Variants in FGGY observed in about 807,000 individuals in gnomAD.
FGGY encodes the protein FGGY carbohydrate kinase domain-containing protein.
In FGGY, 72 loss-of-function variants were observed where a neutral mutation model predicts 71.3. The observed-to-expected ratio is 1.01, with a 90% CI of 0.84 to 1.23. The LOEUF (loss-of-function observed/expected upper bound fraction) is 1.23, where lower values mean the gene tolerates loss of function less well. Among genes scored for constraint, FGGY ranks in the 50% most tolerant of loss-of-function variants. FGGY has a pLI of 0.00. For missense variants in FGGY, 668 were observed against 682.3 expected, an observed-to-expected ratio of 0.98 and a Z score of 0.23; for synonymous variants, 251 against 250.3, an observed-to-expected ratio of 1.00 and a Z score of -0.02.
At chr1:59,698,683 A>G in intron 14 of FGGY, 1 of 893,884 alleles carries the variant, frequency 1.1e-6, no homozygotes, top group Non-Finnish European at 1.3e-6. Context: ...TTTGATAAAC[A>G]GGACAGCTGT....
intron 7 of FGGY, among the ~76,000 whole-genome samples, chr1:59,521,738 T>C (rs1206968919): frequency 6.6e-6 from 1 of 152,224 alleles, no homozygotes; most frequent in Non-Finnish European, 1.5e-5. Flanking sequence ...CTGAGTGACC[T>C]AGTTCATCAG....
intron 15 of FGGY, among the ~76,000 whole-genome samples, chr1:59,759,538 G>A (rs576603922): frequency 1.3e-5 from 2 of 152,282 alleles, no homozygotes; most frequent in South Asian, 2.1e-4. Flanking sequence ...AGTTTTTTCC[G>A]TAAACCCCAC....
chr1:59,748,876 G>T (rs541886659), intron 14 of FGGY, among the ~76,000 whole-genome samples: 14 of 152,236 alleles, frequency 9.2e-5, no homozygotes, highest in African/African-American at 3.4e-4. Context: ...CAGGATGGGG[G>T]CTGGTCACCA....
rs971227350 is a variant in FGGY at position 59,584,413 on chromosome 1, A to C, written c.904-23390A>C. 1.6e-4 allele frequency among the ~76,000 whole-genome samples: 24 copies of C among 150,184 alleles called. 1 individual carries two copies. The highest frequency in any genetic ancestry group is 3.3e-4 in the Admixed American group (5 of 15,192). ...CCAGCATATAAACAGAACAAACAACAAAAACCATATGATTATCTCAATAGA... is the reference window on the plus strand; with the variant it reads ...CCAGCATATAAACAGAACAAACAACCAAAACCATATGATTATCTCAATAGA... On this transcript the variant is annotated intron_variant, in intron 8 of 15. Transcript: ENST00000303721.
At chr1:59,410,154 A>G (rs1464477362) in intron 5 of FGGY, among the ~76,000 whole-genome samples, 1 of 152,176 alleles carries the variant, frequency 6.6e-6, no homozygotes, top group African/African-American at 2.4e-5. Context: ...CTCTGTTGCA[A>G]TCTCATTTCA....
chr1:59,550,319 T>G (rs2095588641), intron 7 of FGGY, among the ~76,000 whole-genome samples: 1 of 152,134 alleles, frequency 6.6e-6, no homozygotes, highest in African/African-American at 2.4e-5. Flanking sequence ...CACCTTTTCT[T>G]GCTTTTCCCT....
At chr1:59,306,830 G>A (rs1327183359) in intron 1 of FGGY, among the ~76,000 whole-genome samples, 1 of 152,178 alleles carries the variant, frequency 6.6e-6, no homozygotes, top group Non-Finnish European at 1.5e-5. Flanking sequence ...AAATTGTTCA[G>A]GCTAAATATA....
At chr1:59,481,329 C>T (rs1438133984) in intron 6 of FGGY, among the ~76,000 whole-genome samples, 1 of 152,154 alleles carries the variant, frequency 6.6e-6, no homozygotes, top group Non-Finnish European at 1.5e-5. Flanking sequence ...AGTAAGATAA[C>T]TGAGGCCCAG....
rs141812599 is a variant in FGGY, at chr1:59,536,156, G to A, written c.800-17968G>A. On this transcript the variant is annotated intron_variant, in intron 7 of 15. Transcript: ENST00000303721. Reference sequence around the variant, plus strand: ...AAATGATAAAGGGGATATCACCACCGATCCCACAGAAATACAAACTACCAT... The same window carrying A: ...AAATGATAAAGGGGATATCACCACCAATCCCACAGAAATACAAACTACCAT... 6.6e-3 allele frequency among the ~76,000 whole-genome samples: 1,007 copies of A among 151,700 alleles called. 9 individuals are homozygous for A. The highest frequency in any genetic ancestry group is 0.065 in the Middle Eastern group (19 of 294).
rs544644909 is a variant in FGGY, at chr1:59,364,878, C to T, written c.466-13871C>T. ...CAGGGTGATGAGGTGGGCACCTCTT[C>T]ATGAATTAATTGGGAGTTGAAATTA... On this transcript the variant is annotated intron_variant, in intron 4 of 15. Transcript: ENST00000303721. 1.2e-4 allele frequency among the ~76,000 whole-genome samples: 19 copies of T among 152,302 alleles called. No homozygotes were observed. In the South Asian group the frequency reaches 2.5e-3, roughly 20 times the overall value.
chr1:59,366,502 C>G (rs568566190), intron 4 of FGGY, among the ~76,000 whole-genome samples: 5 of 152,220 alleles, frequency 3.3e-5, no homozygotes, highest in South Asian at 2.1e-4. Flanking sequence ...TGTGATTACT[C>G]ATTAGAGGCA....
chr1:59,744,444 C>A (rs2098177529), intron 14 of FGGY, among the ~76,000 whole-genome samples: 1 of 152,180 alleles, frequency 6.6e-6, no homozygotes, highest in East Asian at 1.9e-4. Flanking sequence ...TGGTCTCGAA[C>A]CCCTGACCTT....
At chr1:59,761,026 A>T (rs371209198) in intron 15 of FGGY, among the ~76,000 whole-genome samples, 1 of 152,208 alleles carries the variant, frequency 6.6e-6, no homozygotes, top group East Asian at 1.9e-4. Context: ...AATTATCTAA[A>T]ATTTAGTAAC....
At chr1:59,756,981 G>A (rs12119842) in intron 14 of FGGY, among the ~76,000 whole-genome samples, 46,363 of 149,838 alleles carry the variant, frequency 0.31, 7,527 homozygotes, top group East Asian at 0.4. Flanking sequence ...ATGCAAATCT[G>A]TATCCCTAGC....
chr1:59,705,215 A>C (rs1573476401), intron 14 of FGGY, among the ~76,000 whole-genome samples: 1 of 152,128 alleles, frequency 6.6e-6, no homozygotes, highest in East Asian at 1.9e-4. Context: ...CTTCTTATCT[A>C]CCTTTGCTTA....
chr1:59,474,549 A>C (rs780261723), intron 6 of FGGY, among the ~76,000 whole-genome samples: 2 of 152,240 alleles, frequency 1.3e-5, no homozygotes, highest in Non-Finnish European at 2.9e-5. Context: ...ATGTGAGGAC[A>C]TTTAGCCAAT....
chr1:59,367,615 C>T (rs1470666102), intron 4 of FGGY, among the ~76,000 whole-genome samples: 1 of 152,216 alleles, frequency 6.6e-6, no homozygotes, highest in Non-Finnish European at 1.5e-5. Flanking sequence ...ACTGGTCATG[C>T]CTATCTTCTC....
intron 8 of FGGY, among the ~76,000 whole-genome samples, chr1:59,605,953 C>T (rs1026780045): frequency 6.6e-6 from 1 of 152,124 alleles, no homozygotes; most frequent in African/African-American, 2.4e-5. Flanking sequence ...ACTCCCTTTT[C>T]TTCCCTACCC....
intron 4 of FGGY, among the ~76,000 whole-genome samples, chr1:59,370,348 T>C (rs1012912967): frequency 6.6e-6 from 1 of 151,256 alleles, no homozygotes; most frequent in African/African-American, 2.4e-5. Flanking sequence ...AGAAGGGAAG[T>C]TTAGAGAAAA....
Sources: allele counts gnomAD v4.1 joint callset (sites outside exome capture counted in the v4.1 genomes callset), GRCh38; gene constraint gnomAD v4.1.1; transcripts MANE v1.5; gene names NCBI Gene and HGNC (gene_info 2026-07-23, HGNC 2026-07-21).